The following CDC42BPB variants were observed in gnomAD, a reference collection of about 807,000 sequenced individuals.
The protein encoded by CDC42BPB is serine/threonine-protein kinase MRCK beta.
CDC42BPB carries 37 observed loss-of-function variants against 214.9 expected under a neutral mutation model. The observed-to-expected ratio is 0.17, with a 90% CI of 0.13 to 0.23. The LOEUF is 0.23. CDC42BPB is among the 10% of genes least tolerant of loss of function. The pLI is 1.00. For missense variants in CDC42BPB, 1,694 were observed against 2,227.0 expected, an observed-to-expected ratio of 0.76 and a Z score of 4.82; for synonymous variants, 931 against 884.0, an observed-to-expected ratio of 1.05 and a Z score of -0.94.
chr14:102,944,325 G>C lies in CDC42BPB; in HGVS notation c.3974C>G (p.Thr1325Ser). The C allele has an allele frequency of 6.2e-7, 1 of 1,613,108 alleles. No homozygotes were observed. Among genetic ancestry groups the C allele is most frequent in the Non-Finnish European group, 8.5e-7 (1 of 1,180,012 alleles). ...EGSFDIKLPETKGCQLMATAT... is the reference protein window; with the variant it reads ...EGSFDIKLPESKGCQLMATAT... Reference sequence around the variant, plus strand: ...CGTGGCCATGAGCTGGCAGCCTTTGGTTTCCGGAAGCTTGATGTCAAAGCT... The same window carrying C: ...CGTGGCCATGAGCTGGCAGCCTTTGCTTTCCGGAAGCTTGATGTCAAAGCT... The change falls in exon 30 of 37, where the codon ACC (threonine) becomes AGC (serine). Residue 1325 changes from threonine to serine, a missense_variant. This residue lies in a region of CDC42BPB where 567 missense variants were observed against 790.3 expected (regional missense o/e 0.72). Transcript: ENST00000361246. This position sits in a 1 kb window ranked among gnomAD's most constrained non-coding sequence, Gnocchi z 6.6.
intron 4 of CDC42BPB, among the ~76,000 whole-genome samples, chr14:103,002,887 A>G (rs564704659): frequency 5.9e-5 from 9 of 152,306 alleles, no homozygotes; most frequent in African/African-American, 1.9e-4. Flanking sequence ...TAAAGTCTAC[A>G]TAAGTACACA....
intron 26 of CDC42BPB, 111 bp downstream of exon 26, chr14:102,949,654 G>A: frequency 7.3e-7 from 1 of 1,365,148 alleles, no homozygotes; most frequent in Non-Finnish European, 1.0e-6. Flanking sequence ...CAATAATGAA[G>A]CAGGTGAAGT....
chr14:102,959,522 G>GTA, intron 21 of CDC42BPB, 109 bp downstream of exon 21: 1 of 720,390 alleles, frequency 1.4e-6, no homozygotes, highest in African/African-American at 1.8e-5. Flanking sequence ...AACACTGAAT[G>GTA]TATATTTACT....
At chr14:103,050,585 T>C (rs1566928236) in intron 1 of CDC42BPB, among the ~76,000 whole-genome samples, 1 of 152,056 alleles carries the variant, frequency 6.6e-6, no homozygotes, top group Non-Finnish European at 1.5e-5. Flanking sequence ...CAGCAAGACC[T>C]CGTTTCCACA....
At chr14:102,999,844 T>G in intron 4 of CDC42BPB, 131 bp from the exon 5 acceptor site, 2 of 1,483,182 alleles carry the variant, frequency 1.3e-6, no homozygotes, top group Non-Finnish European at 1.8e-6. Context: ...GCTGCTCTTC[T>G]GTCACCCAAG....
chr14:102,933,292 C>G lies in CDC42BPB; in HGVS notation c.*420G>C, dbSNP rs1891479200. On this transcript the variant is annotated 3_prime_UTR_variant, in exon 37 of 37. Transcript: ENST00000361246. The stretch of plus-strand genomic sequence containing the variant: ...ATGCTATAGGACCTCCTACTATTCT[C>G]TTAAGGTCCTAGGAAAGTTTCAGGA... The G allele has an allele frequency of 6.2e-6, 1 of 162,272 alleles. No individual in the cohort carries two copies. The highest frequency in any genetic ancestry group is 1.3e-5 in the Non-Finnish European group (1 of 75,056). 10.1% of individuals were successfully genotyped at this position (162,272 alleles called of 1,614,324 possible).
intron 19 of CDC42BPB, among the ~76,000 whole-genome samples, chr14:102,963,766 G>C (rs1893061883): frequency 6.6e-6 from 1 of 152,222 alleles, no homozygotes; most frequent in Admixed American, 6.5e-5. Flanking sequence ...TTTAACAACA[G>C]AACAGTCTTA....
intron 8 of CDC42BPB, among the ~76,000 whole-genome samples, chr14:102,978,664 G>C (rs1190374092): frequency 6.6e-6 from 1 of 152,164 alleles, no homozygotes; most frequent in African/African-American, 2.4e-5. Context: ...TTTTAGATAA[G>C]TTTATTATAA....
intron 7 of CDC42BPB, among the ~76,000 whole-genome samples, chr14:102,982,156 T>C (rs1360399566): frequency 6.6e-6 from 1 of 152,268 alleles, no homozygotes; most frequent in East Asian, 1.9e-4. Context: ...ACAATTTTCA[T>C]TATCTACAAT....
chr14:102,994,260 A>AG (rs937567456), intron 5 of CDC42BPB, among the ~76,000 whole-genome samples: 12 of 152,142 alleles, frequency 7.9e-5, no homozygotes, highest in African/African-American at 2.9e-4. Context: ...CAGGCCGAGG[A>AG]GGGGTCTCCG....
At chr14:102,977,068 G>A (rs935477688) in intron 9 of CDC42BPB, among the ~76,000 whole-genome samples, 2 of 152,108 alleles carry the variant, frequency 1.3e-5, no homozygotes, top group East Asian at 1.9e-4. Flanking sequence ...TCAGCCGGGC[G>A]CGGTGGCTCA....
At chr14:102,968,215 C>T in intron 16 of CDC42BPB, 38 bp downstream of exon 16, 1 of 1,478,366 alleles carries the variant, frequency 6.8e-7, no homozygotes, top group African/African-American at 1.4e-5. Context: ...TTACAACTTC[C>T]ACACAAAGTG....
chr14:102,990,487 G>A (rs1294524060), intron 5 of CDC42BPB, among the ~76,000 whole-genome samples: 1 of 152,160 alleles, frequency 6.6e-6, no homozygotes, highest in African/African-American at 2.4e-5. Context: ...TCAGTAGGAG[G>A]AAGACAAAAG....
At chr14:103,048,771 G>A (rs1888446075) in intron 1 of CDC42BPB, among the ~76,000 whole-genome samples, 1 of 149,646 alleles carries the variant, frequency 6.7e-6, no homozygotes, top group Non-Finnish European at 1.5e-5. Flanking sequence ...CTACTCGGGA[G>A]ACTGAGGCAG....
intron 3 of CDC42BPB, among the ~76,000 whole-genome samples, chr14:103,006,038 T>C (rs1178470763): frequency 7.1e-6 from 1 of 140,528 alleles, no homozygotes; most frequent in Non-Finnish European, 1.5e-5. Context: ...AAAAAAAAGA[T>C]GGCTGTTGCA....
intron 1 of CDC42BPB, among the ~76,000 whole-genome samples, chr14:103,029,877 A>C (rs1030434250): frequency 7.9e-5 from 12 of 151,498 alleles, no homozygotes; most frequent in Non-Finnish European, 1.3e-4. Context: ...AAAAAAAAAA[A>C]AAAAAAGAAA....
chr14:102,974,274 TTTTA>T (rs1893630203), intron 11 of CDC42BPB, 125 bp from the exon 12 acceptor site: 3 of 1,455,272 alleles, frequency 2.1e-6, no homozygotes, highest in Non-Finnish European at 2.7e-6. Flanking sequence ...TCAGAGGTTT[TTTTA>T]CTTACACACA....
chr14:102,966,184 A>T, intron 18 of CDC42BPB, 98 bp downstream of exon 18: 1 of 871,678 alleles, frequency 1.1e-6, no homozygotes, highest in Non-Finnish European at 1.8e-6. Flanking sequence ...CTCTTGCATC[A>T]CTGTAATTCC....
At chr14:102,934,119 G>C in intron 36 of CDC42BPB, 1 of 860,122 alleles carries the variant, frequency 1.2e-6, no homozygotes, top group Non-Finnish European at 1.5e-6. Context: ...AGATGGGGCC[G>C]GACGCAGTGG....
Sources: gnomAD v4.1 joint callset for allele counts (sites outside exome capture counted in the v4.1 genomes callset) on GRCh38, gnomAD v4.1.1 for gene constraint, gnomAD v4.1.1 regional missense constraint, Gnocchi (gnomAD v3.1) non-coding constraint, MANE v1.5 for transcripts, NCBI Gene and HGNC (gene_info 2026-07-23, HGNC 2026-07-21) for gene names.